The following GRID1 variants were observed in gnomAD, a reference collection of about 807,000 sequenced individuals.
The protein encoded by GRID1 is glutamate ionotropic receptor delta type subunit 1.
Under a neutral mutation model 98.0 loss-of-function variants are expected in GRID1, and 28 were observed. That is an observed-to-expected ratio of 0.29 (90% CI 0.21 to 0.39). The LOEUF (loss-of-function observed/expected upper bound fraction) is 0.39. Ranked by LOEUF, GRID1 falls within the 10% of genes least tolerant of loss-of-function variation. The pLI is 1.00. For synonymous variants in GRID1, 553 were observed against 538.5 expected, an observed-to-expected ratio of 1.03 and a Z score of -0.37; for missense variants, 1,111 against 1,340.5, an observed-to-expected ratio of 0.83 and a Z score of 2.67.
At chr10:85,821,291 G>A (rs1842767705) in intron 8 of GRID1, among the ~76,000 whole-genome samples, 1 of 151,770 alleles carries the variant, frequency 6.6e-6, no homozygotes, top group Admixed American at 6.6e-5. Flanking sequence ...GCCGAAATGG[G>A]CAGATCATTT....
At chr10:85,843,086 A>G (rs1483720394) in intron 8 of GRID1, among the ~76,000 whole-genome samples, 1 of 152,084 alleles carries the variant, frequency 6.6e-6, no homozygotes, top group Non-Finnish European at 1.5e-5. Flanking sequence ...GGTCATAAAG[A>G]TAGGCACATT....
intron 8 of GRID1, among the ~76,000 whole-genome samples, chr10:85,842,468 T>TA (rs1842970007): frequency 6.6e-6 from 1 of 151,760 alleles, no homozygotes; most frequent in South Asian, 2.1e-4. Flanking sequence ...GAACTTAAAA[T>TA]AAAAATTTAA....
At chr10:86,240,323 C>T (rs955956176) in intron 2 of GRID1, among the ~76,000 whole-genome samples, 1 of 152,194 alleles carries the variant, frequency 6.6e-6, no homozygotes, top group African/African-American at 2.4e-5. Flanking sequence ...CACTCCAGCA[C>T]ACACATCACT....
At chr10:85,877,157 G>A (rs953587828) in intron 5 of GRID1, among the ~76,000 whole-genome samples, 1 of 152,250 alleles carries the variant, frequency 6.6e-6, no homozygotes, top group Non-Finnish European at 1.5e-5. Context: ...GCCTGCCTCT[G>A]TAGGCTCCAC....
In GRID1 at chr10:85,868,996, G is replaced by C; in HGVS notation, c.951+14C>G. On this transcript the variant is annotated intron_variant, in intron 6 of 15. Coordinates refer to ENST00000327946, the MANE Select transcript of GRID1 (RefSeq NM_017551.3). ...TTGGTGGAGGGGACTGGAGAGAAGA[G>C]GCTGAGCACTGACCTGCAGCATCTG... 6.2e-7 allele frequency: 1 copy of C among 1,611,102 alleles called. No homozygotes were observed. The highest frequency in any genetic ancestry group is 8.5e-7 in the Non-Finnish European group (1 of 1,178,108).
chr10:86,277,301 C>T (rs1407098383), intron 2 of GRID1, among the ~76,000 whole-genome samples: 1 of 152,130 alleles, frequency 6.6e-6, no homozygotes, highest in Non-Finnish European at 1.5e-5. Flanking sequence ...GCATTTCTTA[C>T]CACTAGATCT....
At chr10:86,241,478 C>T (rs936965655) in intron 2 of GRID1, among the ~76,000 whole-genome samples, 2 of 152,270 alleles carry the variant, frequency 1.3e-5, no homozygotes, top group Non-Finnish European at 2.9e-5. Flanking sequence ...ACCCATCAGT[C>T]CACACCACCT....
chr10:85,704,861 GA>G (rs1433431683), intron 12 of GRID1, among the ~76,000 whole-genome samples: 2 of 152,200 alleles, frequency 1.3e-5, no homozygotes, highest in East Asian at 1.9e-4. Flanking sequence ...ACCTGCTCCT[GA>G]ATGACTACTG....
At chr10:86,305,905 C>T (rs1001064222) in intron 2 of GRID1, among the ~76,000 whole-genome samples, 49 of 152,324 alleles carry the variant, frequency 3.2e-4, no homozygotes, top group African/African-American at 1.0e-3. Context: ...AGTTAAGACA[C>T]AAGCCTTCTC....
chr10:85,952,525 G>C lies in GRID1; in HGVS notation c.727-36286C>G, dbSNP rs1440017570. Among the ~76,000 whole-genome samples, 4 of 151,908 alleles carry C rather than the reference G, an allele frequency of 2.6e-5. No individual in the cohort carries two copies. The East Asian group carries it at 7.7e-4, about 29-fold the overall frequency. On this transcript the variant is annotated intron_variant, in intron 4 of 15. Coordinates refer to ENST00000327946, the MANE Select transcript of GRID1 (RefSeq NM_017551.3). ...TGCAATATTACTGCAATGCCTTCAG[G>C]TTTAAGTGTGGGATCTGCAACAAAC...
chr10:85,963,144 G>C (rs1047676588), intron 4 of GRID1, among the ~76,000 whole-genome samples: 7 of 151,986 alleles, frequency 4.6e-5, no homozygotes, highest in Admixed American at 6.6e-5. Flanking sequence ...CATGTTCCTG[G>C]AGGCAGTTGA....
intron 8 of GRID1, among the ~76,000 whole-genome samples, chr10:85,839,502 A>G (rs1195550345): frequency 3.9e-5 from 6 of 152,214 alleles, no homozygotes; most frequent in Non-Finnish European, 8.8e-5. Flanking sequence ...GCCTCCAATT[A>G]CATGGATCAT....
At chr10:86,044,798 A>G (rs1244922862) in intron 4 of GRID1, among the ~76,000 whole-genome samples, 1 of 150,750 alleles carries the variant, frequency 6.6e-6, no homozygotes, top group East Asian at 2.0e-4. Context: ...CTTGGGTAGA[A>G]CTTGGTGGCT....
At chr10:85,639,568 AAAGGCTGTTGCC>A (rs1843089549) in intron 13 of GRID1, among the ~76,000 whole-genome samples, 1 of 152,234 alleles carries the variant, frequency 6.6e-6, no homozygotes, top group South Asian at 2.1e-4. Context: ...ATAAAAGACT[AAAGGCTGTTGCC>A]TTTTTAAAAA....
chr10:86,260,836 T>C (rs887988374), intron 2 of GRID1, among the ~76,000 whole-genome samples: 1 of 152,192 alleles, frequency 6.6e-6, no homozygotes, highest in African/African-American at 2.4e-5. Context: ...GCCACTCGGC[T>C]CCAGAGCTGA....
chr10:85,684,562 A>G (rs1841247368), intron 12 of GRID1, among the ~76,000 whole-genome samples: 1 of 152,238 alleles, frequency 6.6e-6, no homozygotes, highest in Non-Finnish European at 1.5e-5. Flanking sequence ...AAATCCTCTT[A>G]GCTTCATAGA....
At chr10:85,697,863 T>A (rs1332203006) in intron 12 of GRID1, among the ~76,000 whole-genome samples, 1 of 152,208 alleles carries the variant, frequency 6.6e-6, no homozygotes, top group East Asian at 1.9e-4. Context: ...ATACGGATTC[T>A]GATCCAGGAT....
intron 4 of GRID1, among the ~76,000 whole-genome samples, chr10:86,043,993 A>G (rs182654097): frequency 2.8e-4 from 43 of 152,332 alleles, no homozygotes; most frequent in African/African-American, 8.7e-4. Context: ...CATGTGCTCA[A>G]TAGTAAGAAA....
chr10:85,624,278 A>G (rs1842886674), intron 13 of GRID1, among the ~76,000 whole-genome samples: 1 of 152,242 alleles, frequency 6.6e-6, no homozygotes, highest in Admixed American at 6.5e-5. Context: ...GGGTTAAATT[A>G]CCTTTATCTG....
Sources: allele counts gnomAD v4.1 joint callset (sites outside exome capture counted in the v4.1 genomes callset), GRCh38; gene constraint gnomAD v4.1.1; transcripts MANE v1.5; gene names NCBI Gene and HGNC (gene_info 2026-07-23, HGNC 2026-07-21).